The following ZFP3 variants were observed in gnomAD, a reference collection of about 807,000 sequenced individuals.
ZFP3 encodes zinc finger protein 3 homolog.
Under a neutral mutation model 36.7 loss-of-function variants are expected in ZFP3, and 18 were observed. The ratio of observed to expected loss-of-function variants is 0.49; its 90% CI spans 0.34 to 0.73. ZFP3 has a LOEUF of 0.73. ZFP3 is among the 30% of genes least tolerant of loss of function. The pLI is 0.01. For missense variants in ZFP3, 495 were observed against 599.0 expected, an observed-to-expected ratio of 0.83 and a Z score of 1.81; for synonymous variants, 218 against 199.0, an observed-to-expected ratio of 1.10 and a Z score of -0.81.
Position 5,092,862 on chromosome 17 carries a change from A to C in ZFP3, c.1358A>C (p.Glu453Ala). The change falls in exon 2 of 2, where the codon GAG becomes GCG. Residue 453 changes from glutamate (E) to alanine (A), a missense_variant. Physicochemically the swap from Glu to Ala is moderately radical, Grantham distance 107 (BLOSUM62 -1). Coordinates refer to ENST00000318833, the MANE Select transcript of ZFP3 (RefSeq NM_153018.3). This position sits in a 1 kb window ranked among gnomAD's most constrained non-coding sequence, Gnocchi z 5.0. ...HIGEKPYECS[E>A]CEKTFSQHSQ... ...GGAGAGAAACCTTATGAATGTAGCG[A>C]GTGTGAGAAAACATTTAGCCAGCAT... 2 of 1,614,182 alleles carry C rather than the reference A, an allele frequency of 1.2e-6. No individual in the cohort carries two copies. Among genetic ancestry groups the C allele is most frequent in the Non-Finnish European group, 8.5e-7 (1 of 1,180,034 alleles).
chr17:5,091,232 G>A (rs1470162171), intron 1 of ZFP3, among the ~76,000 whole-genome samples: 2 of 152,062 alleles, frequency 1.3e-5, no homozygotes, highest in Non-Finnish European at 2.9e-5. Flanking sequence ...CATTTCGCCA[G>A]ATATCAAGAC....
intron 1 of ZFP3, among the ~76,000 whole-genome samples, chr17:5,083,817 T>C (rs913772381): frequency 3.3e-5 from 5 of 152,030 alleles, no homozygotes; most frequent in Non-Finnish European, 7.4e-5. Context: ...CTAAGCAATT[T>C]TCAGGGTTTT....
chr17:5,081,879 G>C (rs2072095439), intron 1 of ZFP3, among the ~76,000 whole-genome samples: 1 of 149,522 alleles, frequency 6.7e-6, no homozygotes, highest in Admixed American at 6.6e-5. Flanking sequence ...GGGATTACAG[G>C]CGTGAGCCAC....
In ZFP3 at chr17:5,092,395, T is replaced by C; in HGVS notation, c.891T>C (p.Ile297=). The C allele has an allele frequency of 6.2e-7, 1 of 1,614,148 alleles. No individual in the cohort carries two copies. The highest frequency in any genetic ancestry group is 8.5e-7 in the Non-Finnish European group (1 of 1,180,012). The change falls in exon 2 of 2, where the codon ATT becomes ATC. Residue 297 remains isoleucine (I), a synonymous_variant. Coordinates refer to ENST00000318833, the MANE Select transcript of ZFP3 (RefSeq NM_153018.3). The surrounding 1 kb of genome is among the most constrained non-coding windows in gnomAD (Gnocchi z 5.0). ...GKAFKHSSGL[I]RHQKIHTGEK... ...CCTTCAAGCATAGCTCAGGCCTTAT[T>C]AGACACCAGAAAATTCATACTGGAG...
In ZFP3 at chr17:5,094,261, A is replaced by G. The variant is rs940308040; in HGVS notation, c.*1248A>G. The G allele has an allele frequency of 6.0e-6, 1 of 167,092 alleles. No individual in the cohort carries two copies. Among genetic ancestry groups the G allele is most frequent in the African/African-American group, 2.4e-5 (1 of 41,476 alleles). 10.4% of individuals were successfully genotyped at this position (167,092 alleles called of 1,614,324 possible). A position where few individuals can be genotyped will look rare whatever the true frequency, so the allele number is the denominator to read the frequency against. On this transcript the variant is annotated 3_prime_UTR_variant, in exon 2 of 2. Transcript: ENST00000318833. ...GAGATAAAGTCTTGCTATGTTGCCC[A>G]GGCTGGTCTTGAATGCCTGGGCTCC...
chr17:5,092,281 G>A lies in ZFP3; in HGVS notation c.777G>A (p.Gly259=). The A allele has an allele frequency of 6.2e-7, 1 of 1,613,970 alleles. No individual in the cohort carries two copies. The highest frequency in any genetic ancestry group is 1.1e-5 in the South Asian group (1 of 91,076). The change falls in exon 2 of 2, where the codon GGG becomes GGA. Residue 259 remains glycine, a synonymous_variant. Coordinates refer to ENST00000318833, the MANE Select transcript of ZFP3 (RefSeq NM_153018.3). The surrounding 1 kb of genome is among the most constrained non-coding windows in gnomAD (Gnocchi z 5.0). ...AACCATATGAATGTAATGAATGTGG[G>A]AAGACCTTTAGGGTTAGTTCACAGC... The part of the protein sequence containing the change: ...GEKPYECNEC[G]KTFRVSSQLI...
chr17:5,087,786 C>T (rs2072129044), intron 1 of ZFP3, among the ~76,000 whole-genome samples: 1 of 152,126 alleles, frequency 6.6e-6, no homozygotes, highest in Non-Finnish European at 1.5e-5. Flanking sequence ...GGAAGGAACC[C>T]TGACCCCTTT....
chr17:5,091,877 A>G lies in ZFP3; in HGVS notation c.373A>G (p.Ile125Val), dbSNP rs776784280. 5 of 1,614,118 alleles carry G rather than the reference A, an allele frequency of 3.1e-6. No homozygotes were observed. In the Admixed American group the frequency reaches 8.3e-5, roughly 27 times the overall value. Residue 125 changes from isoleucine (I) to valine (V), a missense_variant, in exon 2 of 2, where the codon ATT becomes GTT. Ile to Val is a conservative substitution (Grantham distance 29). Around this residue, in one of 3 missense-constraint regions of ZFP3, gnomAD observed 229 missense variants for 233.8 expected, o/e 0.98. Coordinates refer to ENST00000318833, the MANE Select transcript of ZFP3 (RefSeq NM_153018.3). ...TACCTCTGGCCAAAACTTCCTAGAG[A>G]TTTTAGAATCTAACAAAACACAGAG... ...FATSGQNFLE[I>V]LESNKTQRSS...
intron 1 of ZFP3, among the ~76,000 whole-genome samples, chr17:5,085,251 G>C (rs569270341): frequency 6.6e-6 from 1 of 152,068 alleles, no homozygotes; most frequent in Non-Finnish European, 1.5e-5. Flanking sequence ...TCACCATGTT[G>C]TCCAGGCTGG....
At chr17:5,082,932 G>A (rs538432429) in intron 1 of ZFP3, among the ~76,000 whole-genome samples, 11 of 152,318 alleles carry the variant, frequency 7.2e-5, no homozygotes, top group African/African-American at 2.6e-4. Context: ...TCAAAAAGTT[G>A]TGATATTGCT....
intron 1 of ZFP3, among the ~76,000 whole-genome samples, chr17:5,084,267 C>CTTTT (rs59148082): frequency 1.7e-5 from 1 of 60,092 alleles, no homozygotes; most frequent in African/African-American, 7.4e-5. Context: ...GTGAATGAGG[C>CTTTT]TTTTTTTTTT....
At chr17:5,088,768 C>A (rs768509189) in intron 1 of ZFP3, among the ~76,000 whole-genome samples, 4 of 152,190 alleles carry the variant, frequency 2.6e-5, no homozygotes, top group Non-Finnish European at 1.5e-5. Context: ...CTTTCTACTT[C>A]AGCCACTAAA....
At chr17:5,089,008 T>G (rs1431077506) in intron 1 of ZFP3, among the ~76,000 whole-genome samples, 1 of 152,194 alleles carries the variant, frequency 6.6e-6, no homozygotes, top group Non-Finnish European at 1.5e-5. Context: ...AAGGCCACTT[T>G]AATATTAGTT....
At position 5,085,266 on chromosome 17, in the gene ZFP3, G is replaced by C. The variant is rs548616074; in HGVS notation, c.-8-6231G>C. Among the ~76,000 whole-genome samples the C allele has an allele frequency of 1.4e-3, 210 of 152,090 alleles. 1 individual carries two copies. The highest frequency in any genetic ancestry group is 2.0e-3 in the Non-Finnish European group (138 of 67,990). On this transcript the variant is annotated intron_variant, in intron 1 of 1. Transcript: ENST00000318833. The stretch of plus-strand genomic sequence containing the variant: ...TCACCATGTTGTCCAGGCTGGTCTC[G>C]AACTCCTGACCTCAGGTGGTTCTGC...
In ZFP3 at chr17:5,092,063, C is replaced by A. The variant is rs1175149989; in HGVS notation, c.559C>A (p.His187Asn). The part of the protein sequence containing the change: ...TFGTNSSLRR[H>N]LRIHAGEKPF... ...TGGAACTAATTCAAGCCTTCGACGG[C>A]ACCTGAGAATTCATGCTGGAGAAAA... The change falls in exon 2 of 2, where the codon CAC becomes AAC. Residue 187 changes from histidine (H) to asparagine (N), a missense_variant. Coordinates refer to ENST00000318833, the MANE Select transcript of ZFP3 (RefSeq NM_153018.3). This position sits in a 1 kb window ranked among gnomAD's most constrained non-coding sequence, Gnocchi z 5.0. 1 of 1,614,234 alleles carries A rather than the reference C, an allele frequency of 6.2e-7. No individual in the cohort carries two copies. Among genetic ancestry groups the A allele is most frequent in the Non-Finnish European group, 8.5e-7 (1 of 1,180,042 alleles).
intron 1 of ZFP3, among the ~76,000 whole-genome samples, chr17:5,086,298 G>A (rs1020749397): frequency 2.0e-5 from 3 of 152,110 alleles, no homozygotes; most frequent in Non-Finnish European, 4.4e-5. Flanking sequence ...TGCCCGAGCC[G>A]GATGGTGTTA....
At position 5,092,406 on chromosome 17, in the gene ZFP3, A is replaced by C; in HGVS notation, c.902A>C (p.Lys301Thr). ...AGCTCAGGCCTTATTAGACACCAGA[A>C]AATTCATACTGGAGAAAAACCATAT... ...KHSSGLIRHQ[K>T]IHTGEKPYLC... The change falls in exon 2 of 2, where the codon AAA (lysine) becomes ACA (threonine). Residue 301 changes from lysine (K) to threonine (T), a missense_variant. Coordinates refer to ENST00000318833, the MANE Select transcript of ZFP3 (RefSeq NM_153018.3). This position sits in a 1 kb window ranked among gnomAD's most constrained non-coding sequence, Gnocchi z 5.0. The C allele has an allele frequency of 6.2e-7, 1 of 1,614,156 alleles. No homozygotes were observed. The highest frequency in any genetic ancestry group is 8.5e-7 in the Non-Finnish European group (1 of 1,180,034).
intron 1 of ZFP3, among the ~76,000 whole-genome samples, chr17:5,079,275 A>G (rs1452763193): frequency 6.6e-6 from 1 of 152,184 alleles, no homozygotes; most frequent in African/African-American, 2.4e-5. Context: ...TAATCCCAGC[A>G]TTTTGGGAGG....
chr17:5,090,004 A>G (rs555909846), intron 1 of ZFP3, among the ~76,000 whole-genome samples: 1 of 152,348 alleles, frequency 6.6e-6, no homozygotes, highest in South Asian at 2.1e-4. Flanking sequence ...AGAAAATACT[A>G]TAAGAGAGCT....
Sources: gnomAD v4.1 joint callset for allele counts (sites outside exome capture counted in the v4.1 genomes callset) on GRCh38, gnomAD v4.1.1 for gene constraint, gnomAD v4.1.1 regional missense constraint, Gnocchi (gnomAD v3.1) non-coding constraint, MANE v1.5 for transcripts, NCBI Gene and HGNC (gene_info 2026-07-23, HGNC 2026-07-21) for gene names.